The following MXRA5 variants were observed in gnomAD, a reference collection of about 807,000 sequenced individuals.
MXRA5 encodes the protein matrix remodeling associated 5.
A neutral mutation model predicts 112.5 loss-of-function variants in MXRA5; 41 were observed. The observed-to-expected ratio is 0.36, with a 90% CI of 0.28 to 0.47. The LOEUF (loss-of-function observed/expected upper bound fraction) is 0.47, where lower values mean the gene tolerates loss of function less well. Among genes scored for constraint, MXRA5 ranks in the 20% least tolerant of loss-of-function variants. The probability of loss-of-function intolerance (pLI) is 0.99; values close to 1 mark genes in which losing one functional copy is unlikely to be tolerated. For missense variants in MXRA5, 2,150 were observed against 2,251.0 expected (o/e 0.96, Z 0.91); for synonymous variants, 862 against 900.8 (o/e 0.96, Z 0.77).
intron 2 of MXRA5, among the ~76,000 whole-genome samples, chrX:3,340,683 T>C (rs890599789): frequency 3.6e-5 from 4 of 110,203 alleles, no homozygotes; most frequent in African/African-American, 1.3e-4. Flanking sequence ...AGAAATGGTG[T>C]TGTAATTTAG....
rs370191078 is a variant in MXRA5 at position 3,324,584 on chromosome X, A to G, written c.1101T>C (p.Cys367=). Residue 367 remains cysteine, a synonymous_variant, in exon 5 of 7, where the codon TGT becomes TGC. Coordinates refer to ENST00000217939, the MANE Select transcript of MXRA5 (RefSeq NM_015419.4). ...INATVALDFE[C]PMTRENYEKL... ...TTTCATAGTTTTCTCGGGTCATTGG[A>G]CACTCAAAGTCCAAGGCAACTGTTG... The G allele has an allele frequency of 1.7e-6, 2 of 1,209,704 alleles. No individual in the cohort carries two copies. The highest frequency in any genetic ancestry group is 1.7e-5 in the African/African-American group (1 of 57,143).
chrX:3,336,689 A>G (rs1049937386), intron 2 of MXRA5, among the ~76,000 whole-genome samples: 1 of 112,484 alleles, frequency 8.9e-6, no homozygotes, highest in African/African-American at 3.2e-5. Flanking sequence ...GGTGAATGCC[A>G]TGTCATTTGA....
At chrX:3,335,342 G>A (rs1194703750) in intron 2 of MXRA5, among the ~76,000 whole-genome samples, 120 of 110,310 alleles carry the variant, frequency 1.1e-3, no homozygotes, top group Middle Eastern at 4.7e-3. Flanking sequence ...GACTACAGGC[G>A]TGTGCTACCC....
At chrX:3,326,434 C>G (rs1250742928) in intron 4 of MXRA5, among the ~76,000 whole-genome samples, 5 of 99,387 alleles carry the variant, frequency 5.0e-5, no homozygotes, top group African/African-American at 1.8e-4. Flanking sequence ...ATTTATAACT[C>G]TCTGCATATT....
chrX:3,335,038 G>A (rs1024077356), intron 2 of MXRA5, among the ~76,000 whole-genome samples: 4 of 111,526 alleles, frequency 3.6e-5, no homozygotes, highest in Middle Eastern at 4.6e-3. Context: ...ATTCAGCGTC[G>A]TTCAGAGTCT....
At chrX:3,326,338 C>T (rs1921507608) in intron 4 of MXRA5, among the ~76,000 whole-genome samples, 1 of 95,805 alleles carries the variant, frequency 1.0e-5, no homozygotes, top group African/African-American at 3.8e-5. Flanking sequence ...ATGTATCTAT[C>T]TAGGAACTAT....
intron 4 of MXRA5, among the ~76,000 whole-genome samples, chrX:3,329,145 G>A (rs764974599): frequency 1.3e-5 from 1 of 74,080 alleles, no homozygotes; most frequent in East Asian, 4.3e-4. Context: ...AACCAGAGAA[G>A]GAAGGAGAGA....
At chrX:3,343,542 G>A in intron 2 of MXRA5, 104 bp downstream of exon 2, 1 of 784,146 alleles carries the variant, frequency 1.3e-6, no homozygotes, top group Non-Finnish European at 1.9e-6. Flanking sequence ...CTACACAGAG[G>A]AAATGCACAT....
rs1448115817 is a variant in MXRA5, at chrX:3,323,547, C to T, written c.2138G>A (p.Arg713Lys). ...GMGDEENTSR[R>K]LLHPKDQEVF... ...CTCTTGGTCCTTTGGATGCAGAAGT[C>T]TCCTTGAAGTGTTCTCTTCATCTCC... Residue 713 changes from arginine to lysine, a missense_variant, in exon 5 of 7, where the codon AGA becomes AAA. Coordinates refer to ENST00000217939, the MANE Select transcript of MXRA5 (RefSeq NM_015419.4). 4 of 1,211,010 alleles carry T rather than the reference C, an allele frequency of 3.3e-6. No individual in the cohort carries two copies. Among genetic ancestry groups the T allele is most frequent in the African/African-American group, 1.7e-5 (1 of 57,671 alleles).
chrX:3,338,611 AATAG>A (rs1921837051), intron 2 of MXRA5, among the ~76,000 whole-genome samples: 2 of 110,272 alleles, frequency 1.8e-5, no homozygotes, highest in East Asian at 2.8e-4. Context: ...GATGATAGAG[AATAG>A]ATAGGTAGAT....
At chrX:3,325,655 T>C (rs1157502342) in intron 4 of MXRA5, among the ~76,000 whole-genome samples, 1 of 103,447 alleles carries the variant, frequency 9.7e-6, no homozygotes, top group Non-Finnish European at 2.0e-5. Flanking sequence ...TATATCTAAG[T>C]ATATATAAAT....
At position 3,324,749 on chromosome X, in the gene MXRA5, T is replaced by C. The variant is rs747951499; in HGVS notation, c.936A>G (p.Gln312=). ...GGSQLILEKF[Q]LPQWSISLNM... ...TCAAAGAGATGCTCCACTGGGGCAG[T>C]TGGAATTTCTCCAGGATGAGCTGGC... Residue 312 remains glutamine, a synonymous_variant, in exon 5 of 7, where the codon CAA becomes CAG. Coordinates refer to ENST00000217939, the MANE Select transcript of MXRA5 (RefSeq NM_015419.4). The C allele has an allele frequency of 2.9e-5, 35 of 1,207,312 alleles. No homozygotes were observed. In the East Asian group the frequency reaches 9.2e-4, roughly 32 times the overall value.
chrX:3,320,809 T>C lies in MXRA5; in HGVS notation c.4876A>G (p.Thr1626Ala). 2.5e-6 allele frequency: 3 copies of C among 1,212,068 alleles called. No individual in the cohort carries two copies. Among genetic ancestry groups the C allele is most frequent in the Non-Finnish European group, 3.3e-6 (3 of 895,590 alleles). The change falls in exon 5 of 7, where the codon ACA (threonine) becomes GCA (alanine). Residue 1626 changes from threonine to alanine, a missense_variant. Thr to Ala is a moderately conservative substitution (Grantham distance 58). This residue lies in a region of MXRA5 where 1,485 missense variants were observed against 1,471.6 expected (regional missense o/e 1.01). Coordinates refer to ENST00000217939, the MANE Select transcript of MXRA5 (RefSeq NM_015419.4). ...ACAAAGTATCTGGAAGCGCTTTGTG[T>C]GGACATTTCAGGCAGCCTCACTGTT... is the stretch of plus-strand genomic sequence containing the variant. Reference protein sequence around the residue: ...TATVRLPEMSTQSASRYFVTS... With the variant: ...TATVRLPEMSAQSASRYFVTS...
chrX:3,325,024 C>T (rs368454664), intron 4 of MXRA5, 49 bp from the exon 5 acceptor site: 127 of 1,115,369 alleles, frequency 1.1e-4, no homozygotes, highest in Non-Finnish European at 1.4e-4. Context: ...CAAAGAATGG[C>T]ATGCCTTGCA....
intron 1 of MXRA5, 55 bp from the exon 2 acceptor site, chrX:3,343,916 T>C: frequency 2.0e-6 from 2 of 1,012,998 alleles, no homozygotes; most frequent in Non-Finnish European, 2.7e-6. Context: ...CGACGAACTG[T>C]GGGCAATTTT....
In MXRA5 at chrX:3,324,663, T is replaced by A. The variant is rs747925080; in HGVS notation, c.1022A>T (p.Asp341Val). Residue 341 changes from aspartate to valine, a missense_variant, in exon 5 of 7, where the codon GAT (aspartate) becomes GTT (valine). Transcript: ENST00000217939. ...NLVCDIKKPM[D>V]VYKIHLNQTD... ...TTGGTTCAAGTGAATCTTGTACACA[T>A]CCATTGGTTTCTTGATGTCACAGAC... 5 of 1,210,769 alleles carry A rather than the reference T, an allele frequency of 4.1e-6. No individual in the cohort carries two copies. In the South Asian group the frequency reaches 8.8e-5, roughly 21 times the overall value.
rs144024869 is a variant in MXRA5, at chrX:3,310,002, C to T, written c.8201G>A (p.Arg2734Gln). The T allele has an allele frequency of 1.6e-3, 1,906 of 1,207,515 alleles. No individual in the cohort carries two copies. Among genetic ancestry groups the T allele is most frequent in the Non-Finnish European group, 1.9e-3 (1,694 of 894,330 alleles). Residue 2734 changes from arginine (R) to glutamine (Q), a missense_variant, in exon 7 of 7, where the codon CGG becomes CAG. Transcript: ENST00000217939. ...IPVIVIAYPPRITSEPTPVIY... is the reference protein window; with the variant it reads ...IPVIVIAYPPQITSEPTPVIY... ...GACCGGGGTGGGCTCGCTGGTGATC[C>T]GGGGAGGATAGGCGATCACAATCAC... is the stretch of plus-strand genomic sequence containing the variant.
rs1921292219 is a variant in MXRA5, at chrX:3,321,174, C to T, written c.4511G>A (p.Gly1504Glu). 10 of 1,211,533 alleles carry T rather than the reference C, an allele frequency of 8.3e-6. No individual in the cohort carries two copies. The highest frequency in any genetic ancestry group is 1.0e-5 in the Non-Finnish European group (9 of 895,417). Reference sequence around the variant, plus strand: ...TGCTGGCTTAGTGGTGGTGGTTTGTCCCAAAGACATGAGAATTGTGGATGG... The same window carrying T: ...TGCTGGCTTAGTGGTGGTGGTTTGTTCCAAAGACATGAGAATTGTGGATGG... The part of the protein sequence containing the change: ...SSPSTILMSL[G>E]QTTTTKPALP... The change falls in exon 5 of 7, where the codon GGA becomes GAA. Residue 1504 changes from glycine (G) to glutamate (E), a missense_variant. By Grantham distance (98) the Gly-to-Glu change is moderately conservative. Around this residue, in one of 6 missense-constraint regions of MXRA5, gnomAD observed 1,485 missense variants for 1,471.6 expected, o/e 1.01. Transcript: ENST00000217939.
chrX:3,327,096 T>C (rs961535290), intron 4 of MXRA5, among the ~76,000 whole-genome samples: 6 of 111,326 alleles, frequency 5.4e-5, no homozygotes, highest in African/African-American at 2.0e-4. Flanking sequence ...TAGGAGTTTT[T>C]CATGGCAGTC....
Sources: allele counts gnomAD v4.1 joint callset (sites outside exome capture counted in the v4.1 genomes callset), GRCh38; gene constraint gnomAD v4.1.1; regional missense constraint gnomAD v4.1.1; transcripts MANE v1.5; gene names NCBI Gene and HGNC (gene_info 2026-07-23, HGNC 2026-07-21).